The following BLTP1 variants were observed in gnomAD, a reference collection of about 807,000 sequenced individuals.
The protein encoded by BLTP1 is fragile site-associated protein.
chr4:122,313,512 G>A, the BLTP1 span: 2 of 615,708 alleles, frequency 3.2e-6, no homozygotes, highest in African/African-American at 1.9e-5. Context: ...AATCTAGGAA[G>A]GATAGTAATC....
the BLTP1 span, chr4:122,339,376 C>G: frequency 2.5e-6 from 4 of 1,612,802 alleles, no homozygotes; most frequent in Non-Finnish European, 3.4e-6. Flanking sequence ...CAGAGTGGAA[C>G]AAAGACTTCT....
chr4:122,356,873 A>G, the BLTP1 span: 2 of 1,457,184 alleles, frequency 1.4e-6, no homozygotes, highest in Non-Finnish European at 1.8e-6. Context: ...TGAGTTGAAG[A>G]TATCAGTAAA....
chr4:122,355,965 A>G, the BLTP1 span: 1 of 1,610,942 alleles, frequency 6.2e-7, no homozygotes. Flanking sequence ...TTCATGTTCA[A>G]GAACCACAGG....
chr4:122,187,797 T>A, the BLTP1 span: 1 of 1,303,926 alleles, frequency 7.7e-7, no homozygotes, highest in South Asian at 1.5e-5. Flanking sequence ...CATTAAGCTG[T>A]TGTTTGAAAA....
the BLTP1 span, among the ~76,000 whole-genome samples, chr4:122,272,763 A>G: frequency 6.6e-6 from 1 of 152,082 alleles, no homozygotes; most frequent in Non-Finnish European, 1.5e-5. Context: ...TACCATAGAA[A>G]TCTTATAATC....
chr4:122,222,882 A>T, the BLTP1 span: 2 of 535,738 alleles, frequency 3.7e-6, no homozygotes, highest in Non-Finnish European at 4.8e-6. Context: ...CCCACGCATG[A>T]TGCAAACTGT....
the BLTP1 span, chr4:122,354,063 T>G: frequency 6.5e-7 from 1 of 1,549,738 alleles, no homozygotes; most frequent in Non-Finnish European, 8.9e-7. Flanking sequence ...TTTTTTCCAT[T>G]TTGGATTCTG....
the BLTP1 span, among the ~76,000 whole-genome samples, chr4:122,355,351 C>T: frequency 6.6e-6 from 1 of 151,936 alleles, no homozygotes; most frequent in African/African-American, 2.4e-5. Context: ...TATTTAATCT[C>T]AAATTCTTTA....
chr4:122,283,030 T>C, the BLTP1 span, among the ~76,000 whole-genome samples: 1 of 152,178 alleles, frequency 6.6e-6, no homozygotes, highest in Non-Finnish European at 1.5e-5. Context: ...TTTCTTTTGA[T>C]CAGCAGACAT....
chr4:122,274,688 C>A, the BLTP1 span: 72 of 951,406 alleles, frequency 7.6e-5, no homozygotes, highest in African/African-American at 1.2e-3. Flanking sequence ...TACAAAACAG[C>A]CTTTGATAAT....
chr4:122,177,795 G>A, the BLTP1 span: 1 of 152,076 alleles, frequency 6.6e-6, no homozygotes, highest in Non-Finnish European at 1.5e-5. Context: ...GAATACTTTT[G>A]TAAAGCAGCA....
chr4:122,312,976 A>G, the BLTP1 span: 2 of 617,300 alleles, frequency 3.2e-6, no homozygotes, highest in African/African-American at 2.0e-5. Context: ...AGTTGTTTCA[A>G]CTTTTACTAT....
At chr4:122,355,819 G>A in the BLTP1 span, 4 of 1,599,876 alleles carry the variant, frequency 2.5e-6, no homozygotes, top group Non-Finnish European at 3.4e-6. Flanking sequence ...TCGTAATGTT[G>A]ATGCTAACAA....
chr4:122,264,424 A>C, the BLTP1 span: 21 of 1,601,568 alleles, frequency 1.3e-5, no homozygotes, highest in South Asian at 2.3e-4. Context: ...TTGCTGATGC[A>C]CAGGTGAGCC....
At chr4:122,193,118 G>A in the BLTP1 span, among the ~76,000 whole-genome samples, 1 of 152,016 alleles carries the variant, frequency 6.6e-6, no homozygotes, top group Non-Finnish European at 1.5e-5. Flanking sequence ...TATTGGATTA[G>A]GACAGCATAC....
chr4:122,346,183 G>C, the BLTP1 span, among the ~76,000 whole-genome samples: 1 of 152,134 alleles, frequency 6.6e-6, no homozygotes, highest in Non-Finnish European at 1.5e-5. Flanking sequence ...TCTGGAAGAA[G>C]GCCATCAAAA....
chr4:122,248,490 T>C, the BLTP1 span, among the ~76,000 whole-genome samples: 3 of 152,056 alleles, frequency 2.0e-5, no homozygotes, highest in African/African-American at 4.8e-5. Context: ...GTTACCCTTA[T>C]AGGGAGGGGA....
At chr4:122,338,589 C>T in the BLTP1 span, among the ~76,000 whole-genome samples, 2 of 152,030 alleles carry the variant, frequency 1.3e-5, no homozygotes, top group East Asian at 1.9e-4. Context: ...ACAGTCCCTC[C>T]GTGTACTTAG....
chr4:122,218,167 T>G, the BLTP1 span, among the ~76,000 whole-genome samples: 2 of 152,090 alleles, frequency 1.3e-5, no homozygotes, highest in African/African-American at 4.8e-5. Context: ...AGAACCAGCC[T>G]TTTGTTTTAT....
Sources: allele counts gnomAD v4.1 joint callset (sites outside exome capture counted in the v4.1 genomes callset), GRCh38; gene constraint gnomAD v4.1.1; transcripts MANE v1.5; gene names NCBI Gene and HGNC (gene_info 2026-07-23, HGNC 2026-07-21).